The following VPS45 variants were observed in gnomAD, a reference collection of about 807,000 sequenced individuals.
VPS45 encodes the protein vacuolar protein sorting-associated protein 45.
A neutral mutation model predicts 75.9 loss-of-function variants in VPS45; 35 were observed. The ratio of observed to expected loss-of-function variants is 0.46; its 90% CI spans 0.35 to 0.61. VPS45 has a LOEUF of 0.61. Among genes scored for constraint, VPS45 ranks in the 20% least tolerant of loss-of-function variants. The pLI is 0.00. For missense variants in VPS45, 559 were observed against 685.9 expected, an observed-to-expected ratio of 0.81 and a Z score of 2.07; for synonymous variants, 220 against 238.2, an observed-to-expected ratio of 0.92 and a Z score of 0.70.
chr1:150,144,668 C>T, intron 14 of VPS45, 41 bp from the exon 15 acceptor site: 3 of 1,550,198 alleles, frequency 1.9e-6, no homozygotes, highest in South Asian at 2.3e-5. Context: ...TTTGGAGATG[C>T]TTTTGTTTTT....
rs1655706833 is a variant in VPS45 at position 150,081,473 on chromosome 1, T to C, written c.819T>C (p.Ala273=). 1 of 1,596,120 alleles carries C rather than the reference T, an allele frequency of 6.3e-7. No individual in the cohort carries two copies. Among genetic ancestry groups the C allele is most frequent in the South Asian group, 1.1e-5 (1 of 87,000 alleles). ...VLSAENDEFY[A]NNMYLNFAEI... ...CTGCTGAAAATGATGAATTCTATGC[T>C]AATGTAGGTGGTTTAAATTTTTTTA... Residue 273 remains alanine (A), a synonymous_variant, in exon 8 of 15, where the codon GCT becomes GCC. Transcript: ENST00000644510.
At chr1:150,084,472 T>C (rs114953942) in intron 10 of VPS45, among the ~76,000 whole-genome samples, 2,868 of 152,222 alleles carry the variant, frequency 0.019, 109 homozygotes, top group African/African-American at 0.066. Flanking sequence ...ACAGGCTGGA[T>C]ATAAAGATAG....
chr1:150,068,399 G>C (rs781826753), intron 1 of VPS45: 1 of 417,094 alleles, frequency 2.4e-6, no homozygotes, highest in Non-Finnish European at 4.2e-6. Flanking sequence ...GATTGTTCCT[G>C]TTCAAAGAGA....
At chr1:150,135,143 G>A (rs1659009076) in intron 14 of VPS45, among the ~76,000 whole-genome samples, 1 of 152,184 alleles carries the variant, frequency 6.6e-6, no homozygotes, top group South Asian at 2.1e-4. Context: ...TCAGGGGGAT[G>A]TGCAGGGGTA....
chr1:150,140,386 G>GGTGTGTGTGTGTGTGTGT (rs574312693), intron 14 of VPS45, among the ~76,000 whole-genome samples: 135 of 140,420 alleles, frequency 9.6e-4, no homozygotes, highest in Middle Eastern at 3.7e-3. Context: ...CATCACTTCT[G>GGTGTGTGTGTGTGTGTGT]GTGTGTGTGT....
intron 10 of VPS45, among the ~76,000 whole-genome samples, chr1:150,089,657 C>T (rs1300625636): frequency 4.6e-5 from 7 of 152,096 alleles, no homozygotes; most frequent in Admixed American, 1.3e-4. Context: ...CCATGGCACC[C>T]GGCCCCCAAC....
chr1:150,077,817 T>G, intron 7 of VPS45, 38 bp downstream of exon 7: 1 of 1,470,558 alleles, frequency 6.8e-7, no homozygotes. Context: ...AAGGATAATT[T>G]TAAGTGATAT....
Position 150,093,529 on chromosome 1 carries a change from AG to A in VPS45, c.1375del (p.Val459Ter). 2.5e-6 allele frequency: 4 copies of A among 1,611,716 alleles called. No individual in the cohort carries two copies. Among genetic ancestry groups the A allele is most frequent in the Non-Finnish European group, 3.4e-6 (4 of 1,179,084 alleles). On this transcript the variant is annotated frameshift_variant, in exon 13 of 15. Transcript: ENST00000644510. LOFTEE classifies it high-confidence loss of function. ...TKQFLKGLKG[V>X]ENVYTQHQPF... ...AGAACCATTTTCCCCTGTTTTAGGG[AG>A]TAGAAAATGTATATACACAGCATCA...
At chr1:150,133,485 T>G (rs1571913458) in intron 14 of VPS45, among the ~76,000 whole-genome samples, 1 of 151,924 alleles carries the variant, frequency 6.6e-6, no homozygotes. Flanking sequence ...ACCAGGGAGG[T>G]GGAGGTTGCA....
At chr1:150,069,546 T>C (rs1654919810) in intron 2 of VPS45, among the ~76,000 whole-genome samples, 1 of 139,782 alleles carries the variant, frequency 7.2e-6, no homozygotes, top group African/African-American at 2.7e-5. Context: ...AAGCTCCGCC[T>C]CCCGGGTTCA....
chr1:150,138,120 T>G (rs1364067982), intron 14 of VPS45, among the ~76,000 whole-genome samples: 1 of 152,114 alleles, frequency 6.6e-6, no homozygotes, highest in Admixed American at 6.6e-5. Flanking sequence ...TCTCCTCAAC[T>G]ACTGCATTCA....
intron 3 of VPS45, among the ~76,000 whole-genome samples, chr1:150,074,317 C>T (rs1396290770): frequency 1.3e-5 from 2 of 152,036 alleles, no homozygotes; most frequent in Non-Finnish European, 2.9e-5. Flanking sequence ...GCCACCACAC[C>T]TCACCTGTTG....
intron 13 of VPS45, 33 bp from the exon 14 acceptor site, chr1:150,110,463 C>A: frequency 1.9e-6 from 3 of 1,549,852 alleles, no homozygotes; most frequent in Non-Finnish European, 1.7e-6. Flanking sequence ...TTTTTCTTAT[C>A]CTGTGATAAT....
At chr1:150,122,149 C>T (rs1450676285) in intron 14 of VPS45, among the ~76,000 whole-genome samples, 1 of 152,096 alleles carries the variant, frequency 6.6e-6, no homozygotes, top group Non-Finnish European at 1.5e-5. Context: ...GGCGAAACCC[C>T]ATCTCTCCTA....
chr1:150,121,791 C>A (rs1658243657), intron 14 of VPS45, among the ~76,000 whole-genome samples: 1 of 152,090 alleles, frequency 6.6e-6, no homozygotes, highest in Non-Finnish European at 1.5e-5. Context: ...CACTGGGATA[C>A]CTCCATGAAT....
chr1:150,067,732 G>A (rs1654798967), upstream of VPS45: 5 of 871,560 alleles, frequency 5.7e-6, no homozygotes, highest in Middle Eastern at 3.3e-4. Flanking sequence ...CACCGTGGCT[G>A]CCCGGACTCC....
At chr1:150,127,901 A>G (rs587680098) in intron 14 of VPS45, among the ~76,000 whole-genome samples, 21 of 152,364 alleles carry the variant, frequency 1.4e-4, no homozygotes, top group Admixed American at 9.8e-4. Context: ...AAAGCTGGGG[A>G]AAAAATAATA....
chr1:150,090,212 A>G (rs1656253649), intron 10 of VPS45, among the ~76,000 whole-genome samples: 1 of 152,148 alleles, frequency 6.6e-6, no homozygotes, highest in African/African-American at 2.4e-5. Context: ...TTCCATATTT[A>G]TTTTGATAGT....
chr1:150,124,442 G>C (rs587715035), intron 14 of VPS45, among the ~76,000 whole-genome samples: 7 of 150,828 alleles, frequency 4.6e-5, no homozygotes, highest in African/African-American at 1.7e-4. Flanking sequence ...CTGGGTGAGA[G>C]ACCAAGACTC....
Sources: allele counts gnomAD v4.1 joint callset (sites outside exome capture counted in the v4.1 genomes callset), GRCh38; gene constraint gnomAD v4.1.1; transcripts MANE v1.5; gene names NCBI Gene and HGNC (gene_info 2026-07-23, HGNC 2026-07-21).